The following SUGCT variants were observed in gnomAD, a reference collection of about 807,000 sequenced individuals.
SUGCT encodes succinyl-CoA:glutarate CoA-transferase.
Under a neutral mutation model 55.0 loss-of-function variants are expected in SUGCT, and 41 were observed. The ratio of observed to expected loss-of-function variants is 0.74; its 90% CI spans 0.58 to 0.97. The LOEUF is 0.97. SUGCT is among the 50% of genes least tolerant of loss of function. SUGCT has a pLI of 0.00. For missense variants in SUGCT, 568 were observed against 547.8 expected, an observed-to-expected ratio of 1.04 and a Z score of -0.37; for synonymous variants, 187 against 200.4, an observed-to-expected ratio of 0.93 and a Z score of 0.56.
chr7:40,936,697 G>A, the SUGCT span, among the ~76,000 whole-genome samples: 4 of 151,760 alleles, frequency 2.6e-5, no homozygotes, highest in African/African-American at 9.7e-5. Context: ...GGTTATTGAT[G>A]TGAGATTGTC....
intron 12 of SUGCT, among the ~76,000 whole-genome samples, chr7:40,503,145 G>T (rs1792383601): frequency 6.6e-6 from 1 of 151,952 alleles, no homozygotes; most frequent in Non-Finnish European, 1.5e-5. Context: ...AAAATCCGAG[G>T]CCTAGATACA....
chr7:40,518,513 T>A (rs1053585261), intron 12 of SUGCT, among the ~76,000 whole-genome samples: 6 of 152,156 alleles, frequency 3.9e-5, no homozygotes, highest in African/African-American at 1.4e-4. Flanking sequence ...ATGTTGTTTT[T>A]AAAATGCAAA....
the SUGCT span, among the ~76,000 whole-genome samples, chr7:41,035,476 G>A: frequency 6.6e-6 from 1 of 152,078 alleles, no homozygotes; most frequent in Admixed American, 6.6e-5. Context: ...CTCTCAAAGG[G>A]TTGCTGGGCC....
the SUGCT span, among the ~76,000 whole-genome samples, chr7:40,896,867 C>G: frequency 6.6e-6 from 1 of 152,160 alleles, no homozygotes; most frequent in East Asian, 1.9e-4. Flanking sequence ...ATCCTAAAAT[C>G]TATATGAAAC....
chr7:40,520,405 C>T (rs529049864), intron 12 of SUGCT, among the ~76,000 whole-genome samples: 3 of 152,068 alleles, frequency 2.0e-5, no homozygotes, highest in Middle Eastern at 3.4e-3. Flanking sequence ...TAAGTCTGCC[C>T]GTGAAGCTTA....
intron 13 of SUGCT, among the ~76,000 whole-genome samples, chr7:40,856,972 TATA>T (rs1444145094): frequency 6.6e-6 from 1 of 152,182 alleles, no homozygotes. Context: ...TTGATATCTA[TATA>T]ATATTACTCA....
intron 13 of SUGCT, among the ~76,000 whole-genome samples, chr7:40,809,388 A>C (rs1229398583): frequency 6.6e-6 from 1 of 152,156 alleles, no homozygotes; most frequent in Non-Finnish European, 1.5e-5. Context: ...GGGCAATGGT[A>C]ACACTATATT....
intron 9 of SUGCT, among the ~76,000 whole-genome samples, chr7:40,333,485 A>C (rs1212770154): frequency 6.6e-6 from 1 of 150,376 alleles, no homozygotes. Context: ...AAAAATATGA[A>C]AATTAGCCCA....
intron 12 of SUGCT, among the ~76,000 whole-genome samples, chr7:40,686,053 T>G (rs1354608394): frequency 6.6e-6 from 1 of 152,246 alleles, no homozygotes; most frequent in Admixed American, 6.5e-5. Flanking sequence ...TCTCGTTCTC[T>G]GAATGAAAGA....
At chr7:40,640,496 C>T (rs933214808) in intron 12 of SUGCT, among the ~76,000 whole-genome samples, 1 of 152,172 alleles carries the variant, frequency 6.6e-6, no homozygotes, top group Non-Finnish European at 1.5e-5. Flanking sequence ...GAAGACTCAG[C>T]CACAGCTGTC....
chr7:40,567,094 G>A (rs1248235508), intron 12 of SUGCT, among the ~76,000 whole-genome samples: 3 of 152,160 alleles, frequency 2.0e-5, no homozygotes, highest in Non-Finnish European at 2.9e-5. Flanking sequence ...TAACTTGAAC[G>A]CAGATGTTTT....
the SUGCT span, among the ~76,000 whole-genome samples, chr7:41,035,806 C>T: frequency 6.6e-6 from 1 of 152,204 alleles, no homozygotes; most frequent in African/African-American, 2.4e-5. Context: ...GCAGCTTCCT[C>T]GTGTCTCCAC....
intron 8 of SUGCT, among the ~76,000 whole-genome samples, chr7:40,294,101 T>G (rs182492361): frequency 6.6e-6 from 1 of 151,722 alleles, no homozygotes; most frequent in South Asian, 2.1e-4. Flanking sequence ...GCACGCACTA[T>G]GGCGCCCCAC....
intron 12 of SUGCT, among the ~76,000 whole-genome samples, chr7:40,643,841 T>G (rs1048549434): frequency 6.6e-6 from 1 of 152,200 alleles, no homozygotes; most frequent in East Asian, 1.9e-4. Context: ...AAGGGGGGAC[T>G]TATCTGATTG....
At chr7:40,261,323 TAAAG>T (rs1419508792) in intron 7 of SUGCT, among the ~76,000 whole-genome samples, 1 of 152,134 alleles carries the variant, frequency 6.6e-6, no homozygotes, top group African/African-American at 2.4e-5. Context: ...TTCCAAAAGA[TAAAG>T]AAATAGGTCC....
intron 1 of SUGCT, among the ~76,000 whole-genome samples, chr7:40,170,016 A>G (rs560069831): frequency 2.0e-5 from 3 of 152,232 alleles, no homozygotes; most frequent in East Asian, 3.9e-4. Context: ...TCCTTGTGTT[A>G]TAGTGGACAT....
intron 9 of SUGCT, among the ~76,000 whole-genome samples, chr7:40,444,975 A>C (rs1043096954): frequency 6.6e-6 from 1 of 152,124 alleles, no homozygotes; most frequent in East Asian, 1.9e-4. Context: ...GCATCTATGG[A>C]GGTAATCATG....
chr7:40,791,603 C>T (rs1388704767), intron 13 of SUGCT, among the ~76,000 whole-genome samples: 1 of 152,088 alleles, frequency 6.6e-6, no homozygotes, highest in Non-Finnish European at 1.5e-5. Context: ...GAACAAATTG[C>T]TTAATGCTGT....
chr7:41,014,868 C>T, the SUGCT span, among the ~76,000 whole-genome samples: 1 of 152,120 alleles, frequency 6.6e-6, no homozygotes, highest in Non-Finnish European at 1.5e-5. Context: ...ATAGCATTTA[C>T]AGTATCTAGA....
Sources: gnomAD v4.1 joint callset for allele counts (sites outside exome capture counted in the v4.1 genomes callset) on GRCh38, gnomAD v4.1.1 for gene constraint, MANE v1.5 for transcripts, NCBI Gene and HGNC (gene_info 2026-07-23, HGNC 2026-07-21) for gene names.